The following ZNF341 variants were observed in gnomAD, a reference collection of about 807,000 sequenced individuals.
ZNF341 encodes the protein zinc finger protein 341.
ZNF341 carries 52 observed loss-of-function variants against 87.7 expected under a neutral mutation model. That is an observed-to-expected ratio of 0.59 (90% CI 0.47 to 0.75). The LOEUF (loss-of-function observed/expected upper bound fraction) is 0.75, where lower values mean the gene tolerates loss of function less well. Among genes scored for constraint, ZNF341 ranks in the 30% least tolerant of loss-of-function variants. ZNF341 has a pLI of 0.00. For missense variants in ZNF341, 977 were observed against 1,145.9 expected, an observed-to-expected ratio of 0.85 and a Z score of 2.13; for synonymous variants, 459 against 472.7, an observed-to-expected ratio of 0.97 and a Z score of 0.38.
Position 33,732,143 on chromosome 20 carries a change from G to A in ZNF341, c.31+91G>A. 2 of 982,238 alleles carry A rather than the reference G, an allele frequency of 2.0e-6. No individual in the cohort carries two copies. Among genetic ancestry groups the A allele is most frequent in the Non-Finnish European group, 2.4e-6 (2 of 822,802 alleles). The allele number at this position is 982,238 out of a possible 1,614,324, so 60.8% of individuals were successfully genotyped here. A position where few individuals can be genotyped will look rare whatever the true frequency, so the allele number is the denominator to read the frequency against. ...CAGCGCCCGGCCTAGGGCGCGCAGC[G>A]GCCGCGGGGCGGAGGGCGCCGGGGC... On this transcript the variant is annotated intron_variant, in intron 1 of 14. Transcript: ENST00000375200. This position sits in a 1 kb window ranked among gnomAD's most constrained non-coding sequence, Gnocchi z 4.5.
intron 1 of ZNF341, among the ~76,000 whole-genome samples, chr20:33,734,423 G>A (rs985232363): frequency 2.0e-5 from 3 of 152,178 alleles, no homozygotes; most frequent in Non-Finnish European, 2.9e-5. Context: ...GGGGGGTCGG[G>A]GTGGAGGCTG....
chr20:33,753,469 C>T (rs763778422), intron 5 of ZNF341, 46 bp downstream of exon 5: 10 of 1,515,264 alleles, frequency 6.6e-6, no homozygotes, highest in Non-Finnish European at 8.8e-7. Context: ...TCATGGACAT[C>T]ATGGCCAACC....
intron 10 of ZNF341, among the ~76,000 whole-genome samples, chr20:33,777,818 T>A (rs1345365183): frequency 6.6e-6 from 1 of 152,158 alleles, no homozygotes; most frequent in Non-Finnish European, 1.5e-5. Flanking sequence ...CTCTCTCGTC[T>A]CTCTTGTGTC....
intron 4 of ZNF341, chr20:33,752,491 T>C (rs2019080824): frequency 2.3e-5 from 12 of 514,714 alleles, no homozygotes; most frequent in South Asian, 1.2e-4. Context: ...CACCACCTCA[T>C]TGATGGCCGA....
chr20:33,752,110 C>G (rs1386818091), intron 4 of ZNF341: 5 of 314,332 alleles, frequency 1.6e-5, no homozygotes, highest in Middle Eastern at 1.0e-3. Context: ...GCAAGCAAGC[C>G]CCCCCCCCTT....
At chr20:33,741,381 TG>T (rs767496515) in intron 2 of ZNF341, among the ~76,000 whole-genome samples, 13 of 151,924 alleles carry the variant, frequency 8.6e-5, no homozygotes, top group African/African-American at 3.1e-4. Flanking sequence ...GGGCCAGGCC[TG>T]TAAGGGTCTT....
chr20:33,790,367 C>A (rs1316785389), intron 14 of ZNF341, among the ~76,000 whole-genome samples: 1 of 152,068 alleles, frequency 6.6e-6, no homozygotes, highest in Non-Finnish European at 1.5e-5. Context: ...GCCACCGGCG[C>A]CTGGCCTGTA....
chr20:33,763,688 A>T (rs1005845550), intron 8 of ZNF341, among the ~76,000 whole-genome samples: 1 of 152,088 alleles, frequency 6.6e-6, no homozygotes, highest in Non-Finnish European at 1.5e-5. Context: ...ACTGTAGTTG[A>T]TCAGAAGTTG....
rs1601274640 is a variant in ZNF341, at chr20:33,770,238, A to T, written c.1568A>T (p.Tyr523Phe). Residue 523 changes from tyrosine to phenylalanine, a missense_variant, in exon 10 of 15, where the codon TAC (tyrosine) becomes TTC (phenylalanine). Physicochemically the swap from Tyr to Phe is conservative, Grantham distance 22 (BLOSUM62 3). Around this residue, in one of 3 missense-constraint regions of ZNF341, gnomAD observed 241 missense variants for 335.0 expected, o/e 0.72. Coordinates refer to ENST00000375200, the MANE Select transcript of ZNF341 (RefSeq NM_001282933.2). ...PSLYDLGVHQ[Y>F]SHSLLPQHSP... ...CTGTACGACCTGGGCGTGCACCAGTACTCCCACAGCCTCCTGCCACAGCAC... is the reference window on the plus strand; with the variant it reads ...CTGTACGACCTGGGCGTGCACCAGTTCTCCCACAGCCTCCTGCCACAGCAC... The T allele has an allele frequency of 6.3e-7, 1 of 1,576,534 alleles. No individual in the cohort carries two copies. Among genetic ancestry groups the T allele is most frequent in the East Asian group, 2.4e-5 (1 of 41,810 alleles).
intron 10 of ZNF341, among the ~76,000 whole-genome samples, chr20:33,779,971 C>T (rs941526903): frequency 2.6e-5 from 4 of 152,140 alleles, no homozygotes; most frequent in Non-Finnish European, 5.9e-5. Flanking sequence ...GTGGAGGAGA[C>T]AGACAATAAC....
intron 14 of ZNF341, among the ~76,000 whole-genome samples, 200 bp from the exon 15 acceptor site, chr20:33,790,788 C>G (rs1394244395): frequency 6.6e-6 from 1 of 152,134 alleles, no homozygotes; most frequent in Non-Finnish European, 1.5e-5. Context: ...GAGGGAGGAG[C>G]CAGCGTGGCA....
chr20:33,756,397 C>T (rs1761105779), intron 5 of ZNF341, among the ~76,000 whole-genome samples: 1 of 148,786 alleles, frequency 6.7e-6, no homozygotes, highest in Non-Finnish European at 1.5e-5. Flanking sequence ...GACAGAGTCT[C>T]ACTCCATCGC....
At chr20:33,776,434 C>G (rs2019628878) in intron 10 of ZNF341, among the ~76,000 whole-genome samples, 1 of 151,206 alleles carries the variant, frequency 6.6e-6, no homozygotes, top group African/African-American at 2.4e-5. Context: ...GTCACCCAGG[C>G]TAGAGCACAG....
At chr20:33,742,882 A>T (rs1038453991) in intron 2 of ZNF341, among the ~76,000 whole-genome samples, 1 of 152,150 alleles carries the variant, frequency 6.6e-6, no homozygotes, top group African/African-American at 2.4e-5. Flanking sequence ...CCTGGGAAAT[A>T]TATTATTTAA....
chr20:33,780,099 C>T (rs1315124716), intron 10 of ZNF341, among the ~76,000 whole-genome samples: 1 of 152,032 alleles, frequency 6.6e-6, no homozygotes, highest in East Asian at 1.9e-4. Flanking sequence ...GACAGGGTGG[C>T]CAGGAGGGCC....
chr20:33,767,382 TTC>T (rs1484440940), intron 9 of ZNF341, among the ~76,000 whole-genome samples: 4 of 9,002 alleles, frequency 4.4e-4, no homozygotes, highest in East Asian at 4.8e-3. Flanking sequence ...TGGTGATCAC[TTC>T]TTTTTTTTTT....
intron 8 of ZNF341, among the ~76,000 whole-genome samples, chr20:33,766,491 G>A (rs1357512270): frequency 2.6e-5 from 4 of 152,190 alleles, no homozygotes; most frequent in East Asian, 1.9e-4. Context: ...CATCGCACCC[G>A]GCCAGATGAT....
chr20:33,757,585 T>G (rs1027582360), intron 6 of ZNF341, among the ~76,000 whole-genome samples: 6 of 152,222 alleles, frequency 3.9e-5, no homozygotes, highest in Non-Finnish European at 8.8e-5. Context: ...TCTTCTGTCT[T>G]TCTGTTTCCA....
At chr20:33,768,365 C>CA (rs2019454298) in intron 9 of ZNF341, among the ~76,000 whole-genome samples, 1 of 147,850 alleles carries the variant, frequency 6.8e-6, no homozygotes, top group Admixed American at 6.8e-5. Context: ...TCAAGTGATC[C>CA]ACCCACCTCG....
Sources: gnomAD v4.1 joint callset for allele counts (sites outside exome capture counted in the v4.1 genomes callset) on GRCh38, gnomAD v4.1.1 for gene constraint, gnomAD v4.1.1 regional missense constraint, Gnocchi (gnomAD v3.1) non-coding constraint, MANE v1.5 for transcripts, NCBI Gene and HGNC (gene_info 2026-07-23, HGNC 2026-07-21) for gene names.